The following ARID5B variants were observed in gnomAD, a reference collection of about 807,000 sequenced individuals.
ARID5B encodes the protein AT-rich interaction domain 5B.
ARID5B carries 13 observed loss-of-function variants against 97.2 expected under a neutral mutation model. The observed-to-expected ratio is 0.13, with a 90% CI of 0.09 to 0.21. ARID5B has a LOEUF of 0.21. Ranked by LOEUF, ARID5B falls within the 10% of genes least tolerant of loss-of-function variation. The pLI, the probability that ARID5B is intolerant of heterozygous loss-of-function variation, is 1.00. For missense variants in ARID5B, 1,210 were observed against 1,465.3 expected, an observed-to-expected ratio of 0.83 and a Z score of 2.84; for synonymous variants, 556 against 570.3, an observed-to-expected ratio of 0.97 and a Z score of 0.36.
rs114749126 is a variant in ARID5B, at chr10:61,916,977, C to T, written c.276+14564C>T. ...TATGATATTCAGGGGAACTGGGGAG[C>T]GCACGACTGGTTTGAGGCATGCCTC... On this transcript the variant is annotated intron_variant, in intron 2 of 9. Transcript: ENST00000279873. Among the ~76,000 whole-genome samples the T allele has an allele frequency of 1.0e-2, 1,517 of 152,046 alleles. 34 individuals are homozygous for T. Among genetic ancestry groups the T allele is most frequent in the African/African-American group, 0.035 (1,434 of 41,476 alleles).
chr10:61,970,502 T>G (rs572157759), intron 3 of ARID5B, among the ~76,000 whole-genome samples: 1 of 152,362 alleles, frequency 6.6e-6, no homozygotes, highest in African/African-American at 2.4e-5. Flanking sequence ...TGTGTCTGTT[T>G]CAGATGTAAT....
intron 9 of ARID5B, 116 bp downstream of exon 9, chr10:62,086,016 A>T: frequency 9.1e-7 from 1 of 1,099,618 alleles, no homozygotes; most frequent in Non-Finnish European, 1.3e-6. Context: ...TGATGAAGAA[A>T]CCAAGAAATC....
intron 3 of ARID5B, among the ~76,000 whole-genome samples, chr10:61,951,063 C>T (rs988028763): frequency 2.0e-5 from 3 of 152,220 alleles, no homozygotes; most frequent in Admixed American, 1.3e-4. Context: ...TCTGTTGCAA[C>T]ACATTAACTT....
chr10:62,009,911 G>A (rs912044162), intron 4 of ARID5B, among the ~76,000 whole-genome samples: 30 of 152,202 alleles, frequency 2.0e-4, no homozygotes, highest in African/African-American at 7.2e-4. Flanking sequence ...GTTATTTCAG[G>A]TGAGGAGGTG....
At chr10:62,012,512 G>T (rs1017373668) in intron 4 of ARID5B, among the ~76,000 whole-genome samples, 4 of 152,164 alleles carry the variant, frequency 2.6e-5, no homozygotes, top group Admixed American at 1.3e-4. Context: ...AAGCAACTGG[G>T]CGGCAGAGCG....
chr10:61,903,373 G>C (rs759487332), intron 2 of ARID5B, among the ~76,000 whole-genome samples: 5 of 152,226 alleles, frequency 3.3e-5, no homozygotes, highest in Non-Finnish European at 5.9e-5. Flanking sequence ...ACTGGGCGCC[G>C]GGGCGGCCGC....
intron 3 of ARID5B, among the ~76,000 whole-genome samples, chr10:61,990,595 C>A (rs1838910438): frequency 6.6e-6 from 1 of 152,088 alleles, no homozygotes; most frequent in Admixed American, 6.5e-5. Flanking sequence ...GGAGGGATAC[C>A]AAAGAATTAG....
At chr10:61,989,415 A>G (rs570185431) in intron 3 of ARID5B, among the ~76,000 whole-genome samples, 7 of 152,312 alleles carry the variant, frequency 4.6e-5, no homozygotes, top group African/African-American at 1.7e-4. Flanking sequence ...AAAATAATCC[A>G]TGTATTCCTT....
At chr10:62,071,256 G>T (rs184509657) in intron 8 of ARID5B, among the ~76,000 whole-genome samples, 204 of 151,988 alleles carry the variant, frequency 1.3e-3, no homozygotes, top group African/African-American at 4.6e-3. Flanking sequence ...GGATGGTCTC[G>T]ATCTCTTGAC....
chr10:62,015,822 C>T (rs1839277145), intron 4 of ARID5B, among the ~76,000 whole-genome samples: 1 of 152,166 alleles, frequency 6.6e-6, no homozygotes, highest in South Asian at 2.1e-4. Flanking sequence ...TGGGGTTTCG[C>T]TACAGTGGCC....
At chr10:61,941,494 G>A (rs1844409586) in intron 3 of ARID5B, among the ~76,000 whole-genome samples, 3 of 150,392 alleles carry the variant, frequency 2.0e-5, no homozygotes, top group South Asian at 2.1e-4. Context: ...CCTATTTTAC[G>A]CCTTAATGTG....
intron 2 of ARID5B, among the ~76,000 whole-genome samples, chr10:61,923,669 G>T (rs1261663427): frequency 6.6e-6 from 1 of 152,230 alleles, no homozygotes; most frequent in African/African-American, 2.4e-5. Context: ...GCCTAGCACA[G>T]CTCAGAATAG....
intron 2 of ARID5B, among the ~76,000 whole-genome samples, chr10:61,936,500 C>A (rs907636355): frequency 6.6e-6 from 1 of 152,174 alleles, no homozygotes; most frequent in Non-Finnish European, 1.5e-5. Flanking sequence ...CACCTGTAAT[C>A]CCAGTTACTA....
chr10:61,965,467 C>T (rs1838531528), intron 3 of ARID5B, among the ~76,000 whole-genome samples: 1 of 152,124 alleles, frequency 6.6e-6, no homozygotes, highest in African/African-American at 2.4e-5. Context: ...CCACCCACCC[C>T]AGCCATCCTG....
intron 8 of ARID5B, among the ~76,000 whole-genome samples, chr10:62,080,742 G>T (rs1194763991): frequency 6.6e-6 from 1 of 152,016 alleles, no homozygotes; most frequent in Non-Finnish European, 1.5e-5. Context: ...GTGAGATCAG[G>T]TCTGAAGTCC....
intron 2 of ARID5B, among the ~76,000 whole-genome samples, chr10:61,909,317 A>AGTTTT (rs1564598109): frequency 2.1e-5 from 2 of 97,418 alleles, no homozygotes; most frequent in African/African-American, 3.9e-5. Context: ...CTATTCAGTG[A>AGTTTT]GTTTTTTTTT....
rs77391548 is a variant in ARID5B, at chr10:62,083,684, A to G, written c.1200-2018A>G. Among the ~76,000 whole-genome samples, 1,090 of 152,386 alleles carry G rather than the reference A, an allele frequency of 7.2e-3. 11 individuals are homozygous for G. Among genetic ancestry groups the G allele is most frequent in the African/African-American group, 0.024 (1,012 of 41,594 alleles). On this transcript the variant is annotated intron_variant, in intron 8 of 9. Transcript: ENST00000279873. ...GTTCCCATGGCAACAAAACAAAAGTAAAACAAACCTATCTGTCCCAACAAT... is the reference window on the plus strand; with the variant it reads ...GTTCCCATGGCAACAAAACAAAAGTGAAACAAACCTATCTGTCCCAACAAT...
chr10:61,966,718 T>C (rs1183763043), intron 3 of ARID5B, among the ~76,000 whole-genome samples: 1 of 152,172 alleles, frequency 6.6e-6, no homozygotes, highest in Non-Finnish European at 1.5e-5. Flanking sequence ...TTTCAAGAGC[T>C]CCTGAAATCT....
chr10:62,051,370 T>C (rs1839788234), intron 5 of ARID5B, among the ~76,000 whole-genome samples: 2 of 152,260 alleles, frequency 1.3e-5, no homozygotes, highest in Admixed American at 1.3e-4. Context: ...CCGTCCTCTT[T>C]CTGAATGTGT....
Sources: gnomAD v4.1 joint callset for allele counts (sites outside exome capture counted in the v4.1 genomes callset) on GRCh38, gnomAD v4.1.1 for gene constraint, MANE v1.5 for transcripts, NCBI Gene and HGNC (gene_info 2026-07-23, HGNC 2026-07-21) for gene names.